Variants in SORCS1 observed in about 807,000 individuals in gnomAD.
SORCS1 encodes sortilin related VPS10 domain containing receptor 1.
A neutral mutation model predicts 146.1 loss-of-function variants in SORCS1; 60 were observed. The observed-to-expected ratio is 0.41, with a 90% confidence interval of 0.33 to 0.51. SORCS1 has a LOEUF of 0.51. Ranked by LOEUF, SORCS1 falls within the 20% of genes least tolerant of loss-of-function variation. The pLI, the probability that SORCS1 is intolerant of heterozygous loss-of-function variation, is 0.21. For missense variants in SORCS1, 1,352 were observed against 1,487.6 expected, an observed-to-expected ratio of 0.91 and a Z score of 1.50; for synonymous variants, 637 against 584.0, an observed-to-expected ratio of 1.09 and a Z score of -1.31.
intron 23 of SORCS1, among the ~76,000 whole-genome samples, chr10:106,605,255 A>C (rs1473719070): frequency 6.6e-6 from 1 of 152,252 alleles, no homozygotes; most frequent in Non-Finnish European, 1.5e-5. Flanking sequence ...AAGTCTAGAG[A>C]AAGCAGACAG....
chr10:106,932,548 T>C (rs1048017518), intron 2 of SORCS1, among the ~76,000 whole-genome samples: 6 of 152,212 alleles, frequency 3.9e-5, no homozygotes, highest in Non-Finnish European at 7.3e-5. Flanking sequence ...GCTCAACTTA[T>C]GCTTGCTTCT....
chr10:106,625,792 G>A (rs1012354687), intron 19 of SORCS1, among the ~76,000 whole-genome samples: 1 of 152,046 alleles, frequency 6.6e-6, no homozygotes, highest in African/African-American at 2.4e-5. Flanking sequence ...TGTTCTGCAA[G>A]TTTGCAGTCT....
intron 1 of SORCS1, among the ~76,000 whole-genome samples, chr10:106,969,786 G>A (rs376150879): frequency 3.9e-5 from 6 of 152,100 alleles, no homozygotes; most frequent in Admixed American, 2.6e-4. Flanking sequence ...TGGAACAATC[G>A]ACACCTCCTC....
In SORCS1 at chr10:107,113,374, A is replaced by C. The variant is rs545436127; in HGVS notation, c.558+50595T>G. On this transcript the variant is annotated intron_variant, in intron 1 of 25. Coordinates refer to ENST00000263054, the MANE Select transcript of SORCS1 (RefSeq NM_052918.5). ...AAAACCAGTGCTGAGAGAACTATAT[A>C]GTGATAAATGCCAACATCAAAATGA... 3.3e-5 allele frequency among the ~76,000 whole-genome samples: 5 copies of C among 152,262 alleles called. No individual in the cohort carries two copies. In the South Asian group the frequency reaches 1.0e-3, roughly 32 times the overall value.
chr10:106,652,731 T>C (rs751350220), intron 17 of SORCS1, among the ~76,000 whole-genome samples, 178 bp from the exon 18 acceptor site: 36 of 152,332 alleles, frequency 2.4e-4, no homozygotes, highest in Middle Eastern at 6.8e-3. Context: ...GAGATAATCA[T>C]GGTCACACAT....
rs117605171 is a variant in SORCS1, at chr10:106,980,507, T to C, written c.559-23927A>G. Among the ~76,000 whole-genome samples, 211 of 152,334 alleles carry C rather than the reference T, an allele frequency of 1.4e-3. 7 individuals carry two copies. The East Asian group carries it at 0.036, about 26-fold the overall frequency. On this transcript the variant is annotated intron_variant, in intron 1 of 25. Transcript: ENST00000263054. ...TGTTTCAAAAGTGGAGGAGAAAAAGTGCTAAGTCGACCAACTTTCACTAAT... is the reference window on the plus strand; with the variant it reads ...TGTTTCAAAAGTGGAGGAGAAAAAGCGCTAAGTCGACCAACTTTCACTAAT...
chr10:107,011,774 G>A (rs376763461), intron 1 of SORCS1, among the ~76,000 whole-genome samples: 4 of 151,970 alleles, frequency 2.6e-5, no homozygotes, highest in African/African-American at 9.7e-5. Context: ...TGTATATGGG[G>A]GTTCTCTATC....
In SORCS1 at chr10:106,844,737, C is replaced by A. The variant is rs1275454100; in HGVS notation, c.627-15064G>T. ...CCAATGCTATCCCTCCCCCCTCCCC[C>A]CTCCCCACCACAGTCCCCAGAGTGT... On this transcript the variant is annotated intron_variant, in intron 2 of 25. Coordinates refer to ENST00000263054, the MANE Select transcript of SORCS1 (RefSeq NM_052918.5). Among the ~76,000 whole-genome samples the A allele has an allele frequency of 3.4e-5, 4 of 116,420 alleles. No homozygotes were observed. In the East Asian group the frequency reaches 9.2e-4, roughly 27 times the overall value. 76.4% of individuals were successfully genotyped at this position (116,420 alleles called of 152,430 possible).
chr10:106,967,994 G>A (rs1439905790), intron 1 of SORCS1, among the ~76,000 whole-genome samples: 2 of 151,418 alleles, frequency 1.3e-5, no homozygotes, highest in Non-Finnish European at 2.9e-5. Context: ...CATGAGGTCA[G>A]GAAATCGAGA....
intron 2 of SORCS1, among the ~76,000 whole-genome samples, chr10:106,911,982 G>A (rs895265470): frequency 9.9e-5 from 15 of 151,806 alleles, no homozygotes; most frequent in East Asian, 3.9e-4. Flanking sequence ...GTGTTGTGGC[G>A]GGCATCTGTA....
chr10:106,768,245 C>G (rs1289222153), intron 4 of SORCS1, among the ~76,000 whole-genome samples: 1 of 152,160 alleles, frequency 6.6e-6, no homozygotes. Flanking sequence ...GGTTAGAAAT[C>G]AGATCTGACA....
chr10:106,925,369 T>C (rs532171835), intron 2 of SORCS1, among the ~76,000 whole-genome samples: 17 of 152,324 alleles, frequency 1.1e-4, no homozygotes, highest in Admixed American at 3.9e-4. Flanking sequence ...TCTGGATTCC[T>C]GGATGGGACC....
At chr10:106,941,022 G>T (rs1954016392) in intron 2 of SORCS1, among the ~76,000 whole-genome samples, 1 of 152,194 alleles carries the variant, frequency 6.6e-6, no homozygotes. Flanking sequence ...TTACTGCTTA[G>T]TATCTTTATG....
intron 3 of SORCS1, among the ~76,000 whole-genome samples, chr10:106,826,914 G>C (rs796799925): frequency 6.6e-6 from 1 of 152,196 alleles, no homozygotes; most frequent in African/African-American, 2.4e-5. Flanking sequence ...GGTGTGTCAA[G>C]TCTTAAGAAC....
At chr10:107,116,766 T>C (rs370573865) in intron 1 of SORCS1, among the ~76,000 whole-genome samples, 1 of 152,226 alleles carries the variant, frequency 6.6e-6, no homozygotes, top group Non-Finnish European at 1.5e-5. Context: ...TAATTTGTTA[T>C]AATCATTACA....
At chr10:107,006,920 T>TAAATAA (rs144756775) in intron 1 of SORCS1, among the ~76,000 whole-genome samples, 22,500 of 152,034 alleles carry the variant, frequency 0.15, 5,441 homozygotes, top group African/African-American at 0.51. Context: ...TCAATGATTA[T>TAAATAA]AAACAAATTT....
chr10:107,164,476 G>C lies in SORCS1; in HGVS notation c.51C>G (p.Leu17=). ...GGATCAAGAGCCCCGCGCCGGCGAG[G>C]AGCGCGCTCAGCCGGGCTTGGGAGC... The part of the protein sequence containing the change: ...GGGSQARLSA[L]LAGAGLLILC... The change falls in exon 1 of 26, where the codon CTC becomes CTG. Residue 17 remains leucine, a synonymous_variant. Coordinates refer to ENST00000263054, the MANE Select transcript of SORCS1 (RefSeq NM_052918.5). This position sits in a 1 kb window ranked among gnomAD's most constrained non-coding sequence, Gnocchi z 6.8. The C allele has an allele frequency of 7.3e-7, 1 of 1,363,082 alleles. No individual in the cohort carries two copies. Among genetic ancestry groups the C allele is most frequent in the African/African-American group, 1.5e-5 (1 of 65,116 alleles). The allele number at this position is 1,363,082 out of a possible 1,614,324, so 84.4% of individuals were successfully genotyped here.
chr10:106,946,213 C>T (rs954243200), intron 2 of SORCS1, among the ~76,000 whole-genome samples: 9 of 151,962 alleles, frequency 5.9e-5, no homozygotes, highest in Non-Finnish European at 8.8e-5. Flanking sequence ...ACATACTCTT[C>T]AAAGCAAAAA....
At chr10:106,879,255 A>C (rs568118724) in intron 2 of SORCS1, among the ~76,000 whole-genome samples, 1 of 152,202 alleles carries the variant, frequency 6.6e-6, no homozygotes, top group East Asian at 1.9e-4. Flanking sequence ...GGAACTTGCC[A>C]ACCCTACTCA....
Sources: gnomAD v4.1 joint callset for allele counts (sites outside exome capture counted in the v4.1 genomes callset) on GRCh38, gnomAD v4.1.1 for gene constraint, Gnocchi (gnomAD v3.1) non-coding constraint, MANE v1.5 for transcripts, NCBI Gene and HGNC (gene_info 2026-07-23, HGNC 2026-07-21) for gene names.